Variants in ARHGEF4 observed in about 807,000 individuals in gnomAD.
ARHGEF4 encodes the protein APC-stimulated guanine nucleotide exchange factor 1.
A neutral mutation model predicts 162.0 loss-of-function variants in ARHGEF4; 119 were observed. The ratio of observed to expected loss-of-function variants is 0.73; its 90% confidence interval spans 0.63 to 0.86. The LOEUF (loss-of-function observed/expected upper bound fraction) is 0.86. Ranked by LOEUF, ARHGEF4 falls within the 40% of genes least tolerant of loss-of-function variation. The probability of loss-of-function intolerance (pLI) is 0.00; values close to 1 mark genes in which losing one functional copy is unlikely to be tolerated. For synonymous variants in ARHGEF4, 1,014 were observed against 979.9 expected, an observed-to-expected ratio of 1.03 and a Z score of -0.65; for missense variants, 2,488 against 2,456.0, an observed-to-expected ratio of 1.01 and a Z score of -0.28.
intron 4 of ARHGEF4, among the ~76,000 whole-genome samples, chr2:130,973,864 C>T (rs1685519290): frequency 1.3e-5 from 2 of 152,092 alleles, no homozygotes; most frequent in Admixed American, 1.3e-4. Flanking sequence ...TGGGAAATCT[C>T]AAAGATAATT....
rs1032284648 is a variant in ARHGEF4 at position 130,880,246 on chromosome 2, G to A, written c.40-33740G>A. Among the ~76,000 whole-genome samples the A allele has an allele frequency of 2.0e-5, 3 of 152,198 alleles. No homozygotes were observed. The South Asian group carries it at 6.2e-4, about 32-fold the overall frequency. On this transcript the variant is annotated intron_variant, in intron 1 of 13. Transcript: ENST00000409359. ...ACGACCCCCTGCTGCCTCAGAAGTG[G>A]AGGCTGAGGAAGGTGGTGTCATTAC...
chr2:131,042,098 G>C, intron 10 of ARHGEF4, among the ~76,000 whole-genome samples, 154 bp downstream of exon 10: 1 of 152,264 alleles, frequency 6.6e-6, no homozygotes, highest in East Asian at 1.9e-4. Context: ...CCTGTCCCCA[G>C]CGTGGGCTCT....
intron 4 of ARHGEF4, chr2:131,011,764 C>G (rs1688464889): frequency 4.1e-6 from 4 of 973,022 alleles, no homozygotes; most frequent in African/African-American, 1.6e-5. Context: ...TGAAGCAGCT[C>G]TCAGGCAGAG....
chr2:131,019,389 G>T (rs1688950858), intron 4 of ARHGEF4, among the ~76,000 whole-genome samples: 1 of 151,866 alleles, frequency 6.6e-6, no homozygotes, highest in African/African-American at 2.4e-5. Context: ...TGCAGCCTGG[G>T]CAACAAGAGT....
Position 130,915,319 on chromosome 2 carries a change from C to T in ARHGEF4, c.1373C>T (p.Ala458Val). 2 of 1,550,730 alleles carry T rather than the reference C, an allele frequency of 1.3e-6. No homozygotes were observed. The highest frequency in any genetic ancestry group is 1.7e-6 in the Non-Finnish European group (2 of 1,147,044). The change falls in exon 2 of 14, where the codon GCT becomes GTT. Residue 458 changes from alanine to valine, a missense_variant. By Grantham distance (64) the Ala-to-Val change is moderately conservative (BLOSUM62 0). Coordinates refer to ENST00000409359, the MANE Select transcript of ARHGEF4 (RefSeq NM_001367493.1). ...AGTGCAGAGGAAGTGCCTGAGCCCG[C>T]TGAGTGCAAGTCAGAGCAAAGCCCA... ...KLSAEEVPEP[A>V]ECKSEQSPES... is the part of the protein sequence containing the mutation.
intron 4 of ARHGEF4, among the ~76,000 whole-genome samples, chr2:130,962,518 T>A (rs1684687822): frequency 6.6e-6 from 1 of 152,046 alleles, no homozygotes; most frequent in Non-Finnish European, 1.5e-5. Context: ...GACAAGATAC[T>A]AGAGGTCTCA....
At chr2:130,891,454 G>C (rs1017449393) in intron 1 of ARHGEF4, among the ~76,000 whole-genome samples, 4 of 152,142 alleles carry the variant, frequency 2.6e-5, no homozygotes, top group African/African-American at 9.7e-5. Flanking sequence ...TGACTGTGTG[G>C]CTATTCACAG....
At chr2:130,905,013 A>T (rs1269696642) in intron 1 of ARHGEF4, among the ~76,000 whole-genome samples, 1 of 152,262 alleles carries the variant, frequency 6.6e-6, no homozygotes, top group Non-Finnish European at 1.5e-5. Flanking sequence ...TCGGAGGCAG[A>T]GGTTGCAGTG....
intron 1 of ARHGEF4, among the ~76,000 whole-genome samples, chr2:130,879,563 T>C (rs1004278821): frequency 3.3e-5 from 5 of 152,194 alleles, no homozygotes; most frequent in African/African-American, 1.2e-4. Flanking sequence ...AACTGAAATT[T>C]TGTGTCTTTT....
At position 130,914,219 on chromosome 2, in the gene ARHGEF4, T is replaced by C; in HGVS notation, c.273T>C (p.Pro91=). 6.5e-7 allele frequency: 1 copy of C among 1,536,044 alleles called. No homozygotes were observed. The highest frequency in any genetic ancestry group is 1.2e-5 in the South Asian group (1 of 84,056). The change falls in exon 2 of 14, where the codon CCT becomes CCC. Residue 91 remains proline, a synonymous_variant. Coordinates refer to ENST00000409359, the MANE Select transcript of ARHGEF4 (RefSeq NM_001367493.1). The stretch of plus-strand genomic sequence containing the variant: ...ACCTCCCGAGGGGAGTCTTCCACCC[T>C]CTAAGAGGTACTCCCGTAGATATAG... The part of the protein sequence containing the change: ...SGYLPRGVFH[P]LRGTPVDIEA...
intron 4 of ARHGEF4, among the ~76,000 whole-genome samples, chr2:130,949,059 C>A (rs1683794259): frequency 1.3e-5 from 2 of 152,128 alleles, no homozygotes; most frequent in South Asian, 4.1e-4. Context: ...AAATTTGATC[C>A]ATTTTCTGCC....
chr2:130,946,630 G>C lies in ARHGEF4; in HGVS notation c.3980G>C (p.Gly1327Ala), dbSNP rs767788213. The C allele has an allele frequency of 2.5e-6, 4 of 1,613,836 alleles. No homozygotes were observed. The highest frequency in any genetic ancestry group is 1.7e-5 in the Admixed American group (1 of 60,006). The change falls in exon 4 of 14, where the codon GGC (glycine) becomes GCC (alanine). Residue 1327 changes from glycine (G) to alanine (A), a missense_variant. Transcript: ENST00000409359. Reference sequence around the variant, plus strand: ...ATGGGCTGGCCAGAGCACACACCAGGCACTGGTGAGTTACGCGCCTCTCTC... The same window carrying C: ...ATGGGCTGGCCAGAGCACACACCAGCCACTGGTGAGTTACGCGCCTCTCTC... ...NHMGWPEHTP[G>A]TAMPDGALDT...
chr2:130,915,679 A>G lies in ARHGEF4; in HGVS notation c.1733A>G (p.Tyr578Cys), dbSNP rs1012551895. 1.9e-6 allele frequency: 3 copies of G among 1,550,316 alleles called. No individual in the cohort carries two copies. Among genetic ancestry groups the G allele is most frequent in the African/African-American group, 1.4e-5 (1 of 73,012 alleles). Reference protein sequence around the residue: ...AEEAMVLDPNYREQALQGLSE... With the variant: ...AEEAMVLDPNCREQALQGLSE... ...GAAGCCATGGTTCTAGACCCCAACT[A>G]CAGGGAACAGGCTTTGCAAGGTCTT... is the stretch of plus-strand genomic sequence containing the variant. The change falls in exon 2 of 14, where the codon TAC becomes TGC. Residue 578 changes from tyrosine to cysteine, a missense_variant. Coordinates refer to ENST00000409359, the MANE Select transcript of ARHGEF4 (RefSeq NM_001367493.1).
chr2:130,840,663 G>A (rs928338255), intron 1 of ARHGEF4, among the ~76,000 whole-genome samples: 3 of 152,156 alleles, frequency 2.0e-5, no homozygotes, highest in African/African-American at 7.2e-5. Flanking sequence ...GACAGGTTTG[G>A]GATCCCAGTG....
At chr2:130,947,217 C>G (rs528468409) in intron 4 of ARHGEF4, 1 of 148,444 alleles carries the variant, frequency 6.7e-6, no homozygotes, top group South Asian at 2.1e-4. Context: ...GCAATAAGAG[C>G]AAAACTCCGT....
chr2:131,021,279 G>C (rs182513974), intron 4 of ARHGEF4, among the ~76,000 whole-genome samples: 3,475 of 152,182 alleles, frequency 0.023, 127 homozygotes, highest in African/African-American at 0.079. Context: ...TACCAAAACA[G>C]AGATATAGAC....
intron 4 of ARHGEF4, among the ~76,000 whole-genome samples, chr2:130,992,984 T>C (rs1056884596): frequency 1.3e-5 from 2 of 152,174 alleles, no homozygotes; most frequent in Non-Finnish European, 2.9e-5. Context: ...TTCGGGAGGC[T>C]GAGGCAGGGG....
At chr2:130,903,265 CT>C (rs202030783) in intron 1 of ARHGEF4, among the ~76,000 whole-genome samples, 8 of 128,534 alleles carry the variant, frequency 6.2e-5, no homozygotes, top group Admixed American at 7.9e-5. Context: ...TTTCTTTTTT[CT>C]TTTTTTTTTC....
At chr2:130,999,693 T>TTTTTG (rs758712019) in intron 4 of ARHGEF4, among the ~76,000 whole-genome samples, 31 of 152,262 alleles carry the variant, frequency 2.0e-4, no homozygotes, top group Middle Eastern at 3.4e-3. Flanking sequence ...GCATGGTGCT[T>TTTTTG]TTTTGTTTTG....
Sources: allele counts gnomAD v4.1 joint callset (sites outside exome capture counted in the v4.1 genomes callset), GRCh38; gene constraint gnomAD v4.1.1; transcripts MANE v1.5; gene names NCBI Gene and HGNC (gene_info 2026-07-23, HGNC 2026-07-21).